NAV2: variants seen among roughly 807,000 people sequenced by gnomAD.
NAV2 encodes the protein helicase, APC down-regulated 1.
In NAV2, 54 loss-of-function variants were observed where a neutral mutation model predicts 223.2. The ratio of observed to expected loss-of-function variants is 0.24; its 90% CI spans 0.19 to 0.30. NAV2 has a LOEUF of 0.30. Among genes scored for constraint, NAV2 ranks in the 10% least tolerant of loss-of-function variants. The probability of loss-of-function intolerance (pLI) is 1.00; values close to 1 mark genes in which losing one functional copy is unlikely to be tolerated. For missense variants in NAV2, 2,806 were observed against 3,147.5 expected, an observed-to-expected ratio of 0.89 and a Z score of 2.60; for synonymous variants, 1,279 against 1,239.3, an observed-to-expected ratio of 1.03 and a Z score of -0.67.
chr11:20,036,135 C>T (rs1317328869), intron 12 of NAV2, 38 bp downstream of exon 12: 2 of 1,613,516 alleles, frequency 1.2e-6, no homozygotes, highest in Admixed American at 3.3e-5. Context: ...CTCCAGCAGC[C>T]TCTGGCAGCA....
At chr11:19,520,008 G>A (rs139858435) in intron 1 of NAV2, 2,178 of 152,326 alleles carry the variant, frequency 0.014, 30 homozygotes, top group Non-Finnish European at 0.024. Flanking sequence ...GAAGCATTTG[G>A]AGGGATAACT....
intron 11 of NAV2, among the ~76,000 whole-genome samples, chr11:20,001,640 G>C (rs2052554663): frequency 6.8e-6 from 1 of 147,056 alleles, no homozygotes; most frequent in Admixed American, 6.9e-5. Flanking sequence ...TCACTCATAG[G>C]TGGGAATTGA....
intron 1 of NAV2, chr11:19,777,321 C>T: frequency 4.6e-6 from 1 of 216,970 alleles, no homozygotes; most frequent in Non-Finnish European, 8.9e-6. Context: ...CCGCGGGCGC[C>T]GGGGATGCCT....
intron 22 of NAV2, among the ~76,000 whole-genome samples, chr11:20,071,106 G>GCTC (rs2059377905): frequency 7.8e-6 from 1 of 128,376 alleles, no homozygotes; most frequent in African/African-American, 3.1e-5. Flanking sequence ...CCCTCCCCTA[G>GCTC]CCCCCCACCC....
chr11:19,703,701 A>G (rs2049577417), intron 1 of NAV2, among the ~76,000 whole-genome samples: 2 of 152,230 alleles, frequency 1.3e-5, no homozygotes, highest in South Asian at 4.1e-4. Flanking sequence ...GATTGAAATT[A>G]TCCAGATTAT....
chr11:19,931,038 T>A lies in NAV2; in HGVS notation c.932-2138T>A, dbSNP rs1288389335. On this transcript the variant is annotated intron_variant, in intron 6 of 37. Transcript: ENST00000349880. Reference sequence around the variant, plus strand: ...AGGAGACCTGAGTTCAAATCCCAGATATCTGCATTTCTGGCTGTGTAATTT... The same window carrying A: ...AGGAGACCTGAGTTCAAATCCCAGAAATCTGCATTTCTGGCTGTGTAATTT... 1.2e-4 allele frequency among the ~76,000 whole-genome samples: 19 copies of A among 152,224 alleles called. 1 individual carries two copies. The highest frequency in any genetic ancestry group is 1.2e-3 in the Admixed American group (19 of 15,278).
At chr11:19,690,868 A>G (rs927424160) in intron 1 of NAV2, among the ~76,000 whole-genome samples, 4 of 152,188 alleles carry the variant, frequency 2.6e-5, no homozygotes, top group Non-Finnish European at 4.4e-5. Context: ...CAGCAATTTC[A>G]AGGCAGAGCC....
At chr11:19,747,042 C>A in intron 1 of NAV2, among the ~76,000 whole-genome samples, 1 of 78,032 alleles carries the variant, frequency 1.3e-5, no homozygotes, top group African/African-American at 4.5e-5. Context: ...ATCCCTCTCC[C>A]CTCCCCCCAC....
chr11:20,074,423 G>T lies in NAV2; in HGVS notation c.4984-3129G>T, dbSNP rs115875061. Reference sequence around the variant, plus strand: ...ACATATTTTCTGTTGATGTGGGGTTGAGAGTTCTGTAGATGTCTATTAGGT... The same window carrying T: ...ACATATTTTCTGTTGATGTGGGGTTTAGAGTTCTGTAGATGTCTATTAGGT... On this transcript the variant is annotated intron_variant, in intron 22 of 37. Transcript: ENST00000349880. Among the ~76,000 whole-genome samples, 1,075 of 152,304 alleles carry T rather than the reference G, an allele frequency of 7.1e-3. 9 individuals are homozygous for T. Among genetic ancestry groups the T allele is most frequent in the African/African-American group, 0.025 (1,032 of 41,564 alleles).
intron 1 of NAV2, among the ~76,000 whole-genome samples, chr11:19,631,048 A>T (rs922089846): frequency 1.3e-5 from 2 of 150,886 alleles, no homozygotes; most frequent in Admixed American, 1.3e-4. Context: ...TTTATTACAA[A>T]AATGGCCTGA....
intron 36 of NAV2, among the ~76,000 whole-genome samples, chr11:20,113,884 C>A (rs2062834247): frequency 6.6e-6 from 1 of 152,156 alleles, no homozygotes; most frequent in South Asian, 2.1e-4. Flanking sequence ...CATGGTGGCA[C>A]ACAAGTAGTC....
At chr11:19,766,913 G>T (rs549228538) in intron 1 of NAV2, among the ~76,000 whole-genome samples, 4 of 152,132 alleles carry the variant, frequency 2.6e-5, no homozygotes, top group South Asian at 2.1e-4. Context: ...GGCCCCTTGG[G>T]GGGTGGACTG....
chr11:19,587,503 T>G (rs1403437066), intron 1 of NAV2, among the ~76,000 whole-genome samples: 5 of 152,224 alleles, frequency 3.3e-5, no homozygotes, highest in African/African-American at 1.2e-4. Flanking sequence ...CTGTTCCTAT[T>G]CAGCCACCTT....
Position 19,901,533 on chromosome 11 carries a change from C to T in NAV2, c.931+8939C>T, listed in dbSNP as rs569106125. On this transcript the variant is annotated intron_variant, in intron 6 of 37. Transcript: ENST00000349880. ...CTGCACTTCCTCCTAGGCAACAGAG[C>T]GAGAAAAGAGAACACTCCCTTTTAA... is the stretch of plus-strand genomic sequence containing the variant. Among the ~76,000 whole-genome samples, 248 of 152,240 alleles carry T rather than the reference C, an allele frequency of 1.6e-3. 2 individuals are homozygous for T. The highest frequency in any genetic ancestry group is 5.7e-3 in the African/African-American group (238 of 41,540).
At chr11:19,351,327 G>A (rs567122344) in intron 1 of NAV2, among the ~76,000 whole-genome samples, 1 of 152,350 alleles carries the variant, frequency 6.6e-6, no homozygotes, top group African/African-American at 2.4e-5. Context: ...TCCAATATGA[G>A]TTTCTTTGTA....
chr11:19,763,942 TA>T (rs2152554492), intron 1 of NAV2, among the ~76,000 whole-genome samples: 1 of 152,294 alleles, frequency 6.6e-6, no homozygotes, highest in South Asian at 2.1e-4. Context: ...CCCCTCGGGT[TA>T]AAAATCCCAG....
chr11:19,792,899 T>A (rs1264382569), intron 1 of NAV2, among the ~76,000 whole-genome samples: 1 of 150,768 alleles, frequency 6.6e-6, no homozygotes, highest in Non-Finnish European at 1.5e-5. Context: ...CAGCTCAGTT[T>A]TGAGTGAGCC....
At chr11:19,987,559 G>T (rs971249074) in intron 11 of NAV2, among the ~76,000 whole-genome samples, 1 of 152,216 alleles carries the variant, frequency 6.6e-6, no homozygotes, top group Non-Finnish European at 1.5e-5. Flanking sequence ...AGGGACGCTG[G>T]CCTACCAGGC....
intron 1 of NAV2, among the ~76,000 whole-genome samples, chr11:19,529,729 C>A (rs2043964681): frequency 1.3e-5 from 2 of 152,154 alleles, no homozygotes; most frequent in African/African-American, 2.4e-5. Context: ...TAGGACAGGG[C>A]ACCCCCTTGT....
Sources: gnomAD v4.1 joint callset for allele counts (sites outside exome capture counted in the v4.1 genomes callset) on GRCh38, gnomAD v4.1.1 for gene constraint, MANE v1.5 for transcripts, NCBI Gene and HGNC (gene_info 2026-07-23, HGNC 2026-07-21) for gene names.